The following NOTCH1 variants were observed in gnomAD, a reference collection of about 807,000 sequenced individuals.
NOTCH1 encodes notch receptor 1.
NOTCH1 carries 37 observed loss-of-function variants against 254.8 expected under a neutral mutation model. The ratio of observed to expected loss-of-function variants is 0.15; its 90% CI spans 0.11 to 0.19. NOTCH1 has a LOEUF of 0.19. Among genes scored for constraint, NOTCH1 ranks in the 10% least tolerant of loss-of-function variants. The probability of loss-of-function intolerance (pLI) is 1.00; values close to 1 mark genes in which losing one functional copy is unlikely to be tolerated. For missense variants in NOTCH1, 2,972 were observed against 3,708.6 expected (o/e 0.80, Z 5.16); for synonymous variants, 1,731 against 1,618.1 (o/e 1.07, Z -1.68).
Position 136,540,565 on chromosome 9 carries a change from C to T in NOTCH1, c.140+3459G>A, listed in dbSNP as rs1843718464. Among the ~76,000 whole-genome samples the T allele has an allele frequency of 6.6e-6, 1 of 152,200 alleles. No individual in the cohort carries two copies. Among genetic ancestry groups the T allele is most frequent in the Admixed American group, 6.5e-5 (1 of 15,286 alleles). On this transcript the variant is annotated intron_variant, in intron 2 of 33. Transcript: ENST00000651671. This position sits in a 1 kb window ranked among gnomAD's most constrained non-coding sequence, Gnocchi z 4.4. ...GAAAGGAGCGCTGACCAGGTGCCCT[C>T]TCCACACGGTTCTCATGCAATCCTC...
chr9:136,515,249 T>C (rs775338847), intron 12 of NOTCH1, 41 bp downstream of exon 12: 2 of 1,585,768 alleles, frequency 1.3e-6, no homozygotes, highest in African/African-American at 1.3e-5. Context: ...CCTTGACCTC[T>C]GAGCACAGTG....
rs980832338 is a variant in NOTCH1, at chr9:136,529,747, C to T, written c.141-5768G>A. Among the ~76,000 whole-genome samples, 15 of 152,244 alleles carry T rather than the reference C, an allele frequency of 9.9e-5. 1 individual carries two copies. The highest frequency in any genetic ancestry group is 3.6e-4 in the African/African-American group (15 of 41,464). ...GGCGCCCTGCAGCCGCTGGGTCTTTCTTCCCTTTCTGCTCCCGGCTTCCTT... is the reference window on the plus strand; with the variant it reads ...GGCGCCCTGCAGCCGCTGGGTCTTTTTTCCCTTTCTGCTCCCGGCTTCCTT... On this transcript the variant is annotated intron_variant, in intron 2 of 33. Transcript: ENST00000651671.
chr9:136,510,043 GGGGA>G, intron 17 of NOTCH1, 82 bp from the exon 18 acceptor site: 2 of 1,350,726 alleles, frequency 1.5e-6, no homozygotes, highest in Non-Finnish European at 2.1e-6. Flanking sequence ...CTGCATGGCT[GGGGA>G]CAGCCCAGCC....
Position 136,545,779 on chromosome 9 carries a change from G to C in NOTCH1, c.8C>G (p.Pro3Arg), listed in dbSNP as rs1229360786. Residue 3 changes from proline to arginine, a missense_variant, in exon 1 of 34, where the codon CCG (proline) becomes CGG (arginine). Transcript: ENST00000651671. The surrounding 1 kb of genome is among the most constrained non-coding windows in gnomAD (Gnocchi z 6.8). ...CAGGCAGAGCAGGGGCGCCAGGAGC[G>C]GCGGCATGCCTCCCCACCGGCTGCC... Reference protein sequence around the residue: MPPLLAPLLCLAL... With the variant: MPRLLAPLLCLAL... The C allele has an allele frequency of 7.4e-7, 1 of 1,349,462 alleles. No individual in the cohort carries two copies. The highest frequency in any genetic ancestry group is 9.5e-7 in the Non-Finnish European group (1 of 1,049,530). The allele number at this position is 1,349,462 out of a possible 1,614,324, so 83.6% of individuals were successfully genotyped here. A position where few individuals can be genotyped will look rare whatever the true frequency, so the allele number is the denominator to read the frequency against.
rs747575297 is a variant in NOTCH1 at position 136,512,979 on chromosome 9, TAGGCCCCGCCCCCTCCAGCAC to T, written c.2467+21_2467+41del. 5 of 380,018 alleles carry T rather than the reference TAGGCCCCGCCCCCTCCAGCAC, an allele frequency of 1.3e-5. 1 individual carries two copies. Among genetic ancestry groups the T allele is most frequent in the Non-Finnish European group, 2.5e-5 (5 of 199,920 alleles). 23.5% of individuals were successfully genotyped at this position (380,018 alleles called of 1,614,324 possible). A position where few individuals can be genotyped will look rare whatever the true frequency, so the allele number is the denominator to read the frequency against. ...CAGCACAGGTCCCGCCCCTCCCACATAGGCCCCGCCCCCTCCAGCACAGGCCCCACCCACCCCTCACCTGTG... is the reference window on the plus strand; with the variant it reads ...CAGCACAGGTCCCGCCCCTCCCACATAGGCCCCACCCACCCCTCACCTGTG... On this transcript the variant is annotated intron_variant, in intron 15 of 33. Coordinates refer to ENST00000651671, the MANE Select transcript of NOTCH1 (RefSeq NM_017617.5).
intron 25 of NOTCH1, 70 bp downstream of exon 25, chr9:136,505,240 C>T: frequency 2.0e-6 from 3 of 1,532,884 alleles, no homozygotes; most frequent in Non-Finnish European, 2.6e-6. Flanking sequence ...TGCATGCTGG[C>T]CTCCGGGCCC....
chr9:136,520,264 G>A (rs1159465420), intron 4 of NOTCH1, among the ~76,000 whole-genome samples: 5 of 152,122 alleles, frequency 3.3e-5, no homozygotes, highest in African/African-American at 9.7e-5. Flanking sequence ...CCGCCCTCCC[G>A]AGATGCCTTT....
rs777663026 is a variant in NOTCH1 at position 136,511,229 on chromosome 9, G to A, written c.2510C>T (p.Pro837Leu). The change falls in exon 16 of 34, where the codon CCC becomes CTC. Residue 837 changes from proline (P) to leucine (L), a missense_variant. Transcript: ENST00000651671. ...EVVLAPCAPS[P>L]CRNGGECRQS... ...CCTGCACTCCCCGCCGTTTCTGCAG[G>A]GGCTGGGGGCACACGGGGCCAGCAC... is the stretch of plus-strand genomic sequence containing the variant. 6.2e-7 allele frequency: 1 copy of A among 1,612,702 alleles called. No homozygotes were observed. The highest frequency in any genetic ancestry group is 8.5e-7 in the Non-Finnish European group (1 of 1,179,962).
intron 8 of NOTCH1, 63 bp downstream of exon 8, chr9:136,517,689 G>A (rs1264010881): frequency 5.7e-6 from 9 of 1,590,740 alleles, no homozygotes; most frequent in Non-Finnish European, 7.7e-6. Context: ...ATGTTCCCGG[G>A]GCTGCCCCTC....
intron 2 of NOTCH1, among the ~76,000 whole-genome samples, chr9:136,524,321 G>A (rs990436085): frequency 2.6e-5 from 4 of 152,098 alleles, no homozygotes; most frequent in African/African-American, 9.7e-5. Flanking sequence ...GAAAGAAGAA[G>A]ACAAATGACT....
chr9:136,521,097 G>A (rs1489410463), intron 4 of NOTCH1, among the ~76,000 whole-genome samples: 1 of 152,194 alleles, frequency 6.6e-6, no homozygotes, highest in African/African-American at 2.4e-5. Flanking sequence ...CTGGGCTCCT[G>A]ACCACCCAGA....
chr9:136,545,941 C>T lies in NOTCH1; in HGVS notation c.-155G>A, dbSNP rs1221272363. 3.4e-5 allele frequency among the ~76,000 whole-genome samples: 5 copies of T among 147,942 alleles called. No homozygotes were observed. The highest frequency in any genetic ancestry group is 1.9e-4 in the East Asian group (1 of 5,130). ...GCTGGCGGCGCTGTGCTCTCGCAGG[C>T]CCCCGGGCCCGGCTCCGCGCCCGGC... On this transcript the variant is annotated 5_prime_UTR_variant, in exon 1 of 34. Coordinates refer to ENST00000651671, the MANE Select transcript of NOTCH1 (RefSeq NM_017617.5). The surrounding 1 kb of genome is among the most constrained non-coding windows in gnomAD (Gnocchi z 6.8).
intron 2 of NOTCH1, among the ~76,000 whole-genome samples, chr9:136,525,933 G>A (rs543796635): frequency 6.6e-6 from 1 of 152,400 alleles, no homozygotes; most frequent in Admixed American, 6.5e-5. Flanking sequence ...GTTGCCAGAA[G>A]CCAAAAGTCC....
intron 3 of NOTCH1, 86 bp from the exon 4 acceptor site, chr9:136,523,274 C>T: frequency 7.6e-7 from 1 of 1,317,168 alleles, no homozygotes. Context: ...CCTGGAGGTG[C>T]CAGCCTGGGC....
At chr9:136,542,013 G>A (rs1843739411) in intron 2 of NOTCH1, among the ~76,000 whole-genome samples, 2 of 152,260 alleles carry the variant, frequency 1.3e-5, no homozygotes, top group African/African-American at 2.4e-5. Flanking sequence ...GGCCTGCCTT[G>A]GGCTGGAAAC....
chr9:136,505,800 C>G lies in NOTCH1; in HGVS notation c.4096G>C (p.Gly1366Arg), dbSNP rs778270588. 15 of 1,585,768 alleles carry G rather than the reference C, an allele frequency of 9.5e-6. No homozygotes were observed. Among genetic ancestry groups the G allele is most frequent in the Admixed American group, 3.4e-5 (2 of 58,062 alleles). The change falls in exon 25 of 34, where the codon GGC becomes CGC. Residue 1366 changes from glycine to arginine, a missense_variant. Gly to Arg is a moderately radical substitution (Grantham distance 125, BLOSUM62 -2). This residue lies in a region of NOTCH1 where 1,343 missense variants were observed against 1,557.0 expected (regional missense o/e 0.86). Coordinates refer to ENST00000651671, the MANE Select transcript of NOTCH1 (RefSeq NM_017617.5). ...CACAGGCAGGTGGGGCTGCGCGGGC[C>G]GGAGATGCATGTGCCGCCGTTGAGG... ...RCLNGGTCIS[G>R]PRSPTCLCLG...
At position 136,540,460 on chromosome 9, in the gene NOTCH1, TTCACTCG is replaced by T. The variant is rs1279155298; in HGVS notation, c.140+3557_140+3563del. ...GGCAGCACCTTTAGGATTCTCTGAA[TTCACTCG>T]TCAATCAATTAAACATTCAGGAAGG... On this transcript the variant is annotated intron_variant, in intron 2 of 33. Transcript: ENST00000651671. This position sits in a 1 kb window ranked among gnomAD's most constrained non-coding sequence, Gnocchi z 4.4. Among the ~76,000 whole-genome samples the T allele has an allele frequency of 2.6e-5, 4 of 152,040 alleles. No homozygotes were observed. The highest frequency in any genetic ancestry group is 4.8e-5 in the African/African-American group (2 of 41,406).
In NOTCH1 at chr9:136,498,989, G is replaced by T. The variant is rs773621396; in HGVS notation, c.6090C>A (p.Ser2030=). The T allele has an allele frequency of 6.2e-7, 1 of 1,613,330 alleles. No homozygotes were observed. The highest frequency in any genetic ancestry group is 1.1e-5 in the South Asian group (1 of 91,078). The change falls in exon 33 of 34, where the codon TCC becomes TCA. Residue 2030 remains serine (S), a synonymous_variant. Transcript: ENST00000651671. The part of the protein sequence containing the change: ...DVNAVDDLGK[S]ALHWAAAVNN... The stretch of plus-strand genomic sequence containing the variant: ...TCACGGCGGCGGCCCAGTGCAGGGC[G>T]GACTTGCCTGCGTGAAAGAAGCAGA...
chr9:136,543,986 C>G (rs1326584636), intron 2 of NOTCH1, 38 bp downstream of exon 2: 1 of 1,535,358 alleles, frequency 6.5e-7, no homozygotes, highest in African/African-American at 1.4e-5. Context: ...GGGCTCTGCC[C>G]TCGACAAAGC....
Sources: allele counts gnomAD v4.1 joint callset (sites outside exome capture counted in the v4.1 genomes callset), GRCh38; gene constraint gnomAD v4.1.1; regional missense constraint gnomAD v4.1.1; non-coding constraint Gnocchi (gnomAD v3.1); transcripts MANE v1.5; gene names NCBI Gene and HGNC (gene_info 2026-07-23, HGNC 2026-07-21).